Variants in NARS2 observed in about 807,000 individuals in gnomAD.
NARS2 encodes the protein asparaginyl-tRNA synthetase 2, mitochondrial, also known as asparaginyl-tRNA synthetase.
A neutral mutation model predicts 62.9 loss-of-function variants in NARS2; 60 were observed. That is an observed-to-expected ratio of 0.95 (90% CI 0.77 to 1.18). The LOEUF (loss-of-function observed/expected upper bound fraction) is 1.18. Among genes scored for constraint, NARS2 ranks in the 50% most tolerant of loss-of-function variants. The pLI is 0.00. For missense variants in NARS2, 619 were observed against 576.4 expected (o/e 1.07, Z -0.76); for synonymous variants, 196 against 200.0 (o/e 0.98, Z 0.17).
chr11:78,512,777 T>A (rs114943528), intron 6 of NARS2, among the ~76,000 whole-genome samples: 2,484 of 152,274 alleles, frequency 0.016, 60 homozygotes, highest in African/African-American at 0.056. Flanking sequence ...AATTTTAAAA[T>A]TTTTTAAATA....
intron 5 of NARS2, among the ~76,000 whole-genome samples, chr11:78,534,673 T>G (rs1383921403): frequency 6.6e-6 from 1 of 152,194 alleles, no homozygotes; most frequent in East Asian, 1.9e-4. Flanking sequence ...AATTAAGAAA[T>G]ATTGGGGCTC....
chr11:78,555,534 A>G (rs1047253698), intron 5 of NARS2, among the ~76,000 whole-genome samples: 5 of 152,164 alleles, frequency 3.3e-5, no homozygotes, highest in African/African-American at 1.2e-4. Context: ...AGTCAGTAGT[A>G]ACATTCCCTT....
intron 6 of NARS2, among the ~76,000 whole-genome samples, chr11:78,509,343 C>A (rs1004635403): frequency 2.6e-5 from 4 of 151,856 alleles, no homozygotes; most frequent in Non-Finnish European, 2.9e-5. Flanking sequence ...GGTGGTCCTG[C>A]CGGGTGAAAT....
rs117996746 is a variant in NARS2, at chr11:78,465,945, G to A, written c.1095C>T (p.Phe365=). 1,165 of 1,613,904 alleles carry A rather than the reference G, an allele frequency of 7.2e-4. 13 individuals are homozygous for A. The East Asian group carries it at 0.023, about 32-fold the overall frequency. The change falls in exon 11 of 14, where the codon TTC becomes TTT. Residue 365 remains phenylalanine (F), a synonymous_variant. Transcript: ENST00000281038. ...LVKHCGNIPV[F]VINYPLTLKP... is the part of the protein sequence containing the mutation. ...TGAGTGTTAATGGATAATTAATAAC[G>A]AAGACAGGTATGTTGCCACAGTGCT...
chr11:78,512,811 T>C (rs1292027745), intron 6 of NARS2, among the ~76,000 whole-genome samples: 2 of 152,224 alleles, frequency 1.3e-5, no homozygotes, highest in African/African-American at 4.8e-5. Context: ...TGAATACATA[T>C]TTATTCACAA....
At chr11:78,454,510 TA>T (rs1222016916) in intron 11 of NARS2, among the ~76,000 whole-genome samples, 1 of 152,142 alleles carries the variant, frequency 6.6e-6, no homozygotes, top group Non-Finnish European at 1.5e-5. Flanking sequence ...TTGTCATGAG[TA>T]AAAGCTTCCT....
rs1471253416 is a variant in NARS2 at position 78,568,819 on chromosome 11, T to C, written c.252-67A>G. The C allele has an allele frequency of 5.2e-5, 68 of 1,296,996 alleles. 3 individuals are homozygous for C. The South Asian group carries it at 8.2e-4, about 16-fold the overall frequency. The allele number at this position is 1,296,996 out of a possible 1,614,324, so 80.3% of individuals were successfully genotyped here. A position where few individuals can be genotyped will look rare whatever the true frequency, so the allele number is the denominator to read the frequency against. ...ACAACCTTCATTTTAATATCAACTT[T>C]GCAATAAGAATATTAAAATACTTAA... On this transcript the variant is annotated intron_variant, in intron 2 of 13. Transcript: ENST00000281038.
At chr11:78,449,282 C>T (rs1267606118) in intron 11 of NARS2, among the ~76,000 whole-genome samples, 1 of 151,708 alleles carries the variant, frequency 6.6e-6, no homozygotes, top group Non-Finnish European at 1.5e-5. Flanking sequence ...ACTACAGGCA[C>T]CTGCCACCAT....
rs545370622 is a variant in NARS2, at chr11:78,565,071, G to C, written c.513+1061C>G. On this transcript the variant is annotated intron_variant, in intron 4 of 13. Coordinates refer to ENST00000281038, the MANE Select transcript of NARS2 (RefSeq NM_024678.6). ...GGAATAACAATAAACTTTATCTGCTGGATCACTCCTTGTCTTTGGGGCCCT... is the reference window on the plus strand; with the variant it reads ...GGAATAACAATAAACTTTATCTGCTCGATCACTCCTTGTCTTTGGGGCCCT... 2.6e-5 allele frequency among the ~76,000 whole-genome samples: 4 copies of C among 152,302 alleles called. No individual in the cohort carries two copies. In the South Asian group the frequency reaches 8.3e-4, roughly 32 times the overall value.
chr11:78,459,708 C>T (rs1858316876), intron 11 of NARS2, among the ~76,000 whole-genome samples: 1 of 152,212 alleles, frequency 6.6e-6, no homozygotes, highest in African/African-American at 2.4e-5. Flanking sequence ...GTCCATTAAA[C>T]CTCTTCTTCT....
chr11:78,479,267 A>G (rs549108596), intron 7 of NARS2, among the ~76,000 whole-genome samples: 1 of 152,328 alleles, frequency 6.6e-6, no homozygotes, highest in East Asian at 1.9e-4. Flanking sequence ...ATAAAACAGC[A>G]TACAGCAAAA....
At chr11:78,539,487 A>C (rs1488531148) in intron 5 of NARS2, among the ~76,000 whole-genome samples, 2 of 152,200 alleles carry the variant, frequency 1.3e-5, no homozygotes, top group African/African-American at 4.8e-5. Context: ...GGTTTATTTA[A>C]TACATACTAT....
intron 5 of NARS2, among the ~76,000 whole-genome samples, chr11:78,556,509 C>A (rs934865494): frequency 1.3e-5 from 2 of 152,156 alleles, no homozygotes; most frequent in Non-Finnish European, 2.9e-5. Context: ...ACAATTTTAG[C>A]CAGCATAAGG....
chr11:78,545,463 C>T (rs990320035), intron 5 of NARS2, among the ~76,000 whole-genome samples: 1 of 151,554 alleles, frequency 6.6e-6, no homozygotes, highest in African/African-American at 2.4e-5. Context: ...TTCCTTCTGA[C>T]TGAAATGTTC....
In NARS2 at chr11:78,459,876, A is replaced by G. The variant is rs533718824; in HGVS notation, c.1164+6000T>C. Among the ~76,000 whole-genome samples the G allele has an allele frequency of 3.9e-5, 6 of 152,358 alleles. No individual in the cohort carries two copies. The East Asian group carries it at 9.6e-4, about 24-fold the overall frequency. On this transcript the variant is annotated intron_variant, in intron 11 of 13. Coordinates refer to ENST00000281038, the MANE Select transcript of NARS2 (RefSeq NM_024678.6). Reference sequence around the variant, plus strand: ...AGGTTATGATGGATTAAGAGTTAGTATCTCTGGGTGTGAAACTTAACATGG... The same window carrying G: ...AGGTTATGATGGATTAAGAGTTAGTGTCTCTGGGTGTGAAACTTAACATGG...
At chr11:78,542,546 G>A (rs1855661030) in intron 5 of NARS2, among the ~76,000 whole-genome samples, 1 of 152,180 alleles carries the variant, frequency 6.6e-6, no homozygotes, top group South Asian at 2.1e-4. Context: ...GGACTTCTGT[G>A]AGAAGGGATA....
rs533106679 is a variant in NARS2, at chr11:78,518,014, G to C, written c.689+10828C>G. The stretch of plus-strand genomic sequence containing the variant: ...TGAAGTAAAAGGAATTATTAACATA[G>C]ACTTAACTCCCATTGTGGGCTCAAC... On this transcript the variant is annotated intron_variant, in intron 6 of 13. Coordinates refer to ENST00000281038, the MANE Select transcript of NARS2 (RefSeq NM_024678.6). Among the ~76,000 whole-genome samples, 153 of 152,232 alleles carry C rather than the reference G, an allele frequency of 1.0e-3. 1 individual carries two copies. The highest frequency in any genetic ancestry group is 3.5e-3 in the African/African-American group (144 of 41,538).
chr11:78,444,619 C>T (rs542300342), intron 11 of NARS2, among the ~76,000 whole-genome samples: 7 of 150,256 alleles, frequency 4.7e-5, no homozygotes, highest in South Asian at 4.2e-4. Context: ...CTTGGGAGGC[C>T]GAGGCAGGAG....
intron 4 of NARS2, among the ~76,000 whole-genome samples, chr11:78,560,579 C>T (rs1422885835): frequency 6.6e-6 from 1 of 152,210 alleles, no homozygotes; most frequent in Admixed American, 6.5e-5. Flanking sequence ...ATACATATCT[C>T]TGCCAAGTTT....
Sources: allele counts gnomAD v4.1 joint callset (sites outside exome capture counted in the v4.1 genomes callset), GRCh38; gene constraint gnomAD v4.1.1; transcripts MANE v1.5; gene names NCBI Gene and HGNC (gene_info 2026-07-23, HGNC 2026-07-21).